The following KYAT3 variants were observed in gnomAD, a reference collection of about 807,000 sequenced individuals.
The protein encoded by KYAT3 is kynurenine--oxoglutarate transaminase 3.
A neutral mutation model predicts 59.0 loss-of-function variants in KYAT3; 50 were observed. The observed-to-expected ratio is 0.85, with a 90% CI of 0.68 to 1.07. The LOEUF (loss-of-function observed/expected upper bound fraction) is 1.07, where lower values mean the gene tolerates loss of function less well. KYAT3 is among the 50% of genes least tolerant of loss of function. The probability of loss-of-function intolerance (pLI) is 0.00; values close to 1 mark genes in which losing one functional copy is unlikely to be tolerated. For missense variants in KYAT3, 497 were observed against 533.3 expected (o/e 0.93, Z 0.67); for synonymous variants, 148 against 177.0 (o/e 0.84, Z 1.30).
the KYAT3 span, among the ~76,000 whole-genome samples, chr1:88,927,412 T>A: frequency 3.9e-5 from 6 of 152,172 alleles, no homozygotes; most frequent in African/African-American, 1.4e-4. Flanking sequence ...ACCTCTTTTG[T>A]AGAAAAGAAG....
chr1:88,924,868 T>C, the KYAT3 span, among the ~76,000 whole-genome samples: 1 of 152,186 alleles, frequency 6.6e-6, no homozygotes, highest in African/African-American at 2.4e-5. Flanking sequence ...CCATAACCCA[T>C]GGCTTCTAAT....
chr1:88,988,058 G>A (rs1377906412), intron 2 of KYAT3, among the ~76,000 whole-genome samples, 194 bp downstream of exon 2: 2 of 152,098 alleles, frequency 1.3e-5, no homozygotes, highest in African/African-American at 4.8e-5. Context: ...ACCAGCACAT[G>A]GCCTGATCCA....
In KYAT3 at chr1:88,982,722, C is replaced by T. The variant is rs746613343; in HGVS notation, c.99+5530G>A. 22 of 1,613,766 alleles carry T rather than the reference C, an allele frequency of 1.4e-5. No individual in the cohort carries two copies. In the East Asian group the frequency reaches 2.5e-4, roughly 18 times the overall value. ...CCAGGGCCAGCACCTCTTGGTGCTC[C>T]GCGGCTTGAACTGCTGTAGGAATCA... On this transcript the variant is annotated intron_variant, in intron 2 of 13. Coordinates refer to ENST00000260508, the MANE Select transcript of KYAT3 (RefSeq NM_001008661.3).
Position 88,949,261 on chromosome 1 carries a change from G to A in KYAT3, c.971C>T (p.Ala324Val), listed in dbSNP as rs1675578616. The change falls in exon 11 of 14, where the codon GCT (alanine) becomes GTT (valine). Residue 324 changes from alanine (A) to valine (V), a missense_variant. By Grantham distance (64) the Ala-to-Val change is moderately conservative (BLOSUM62 0). Transcript: ENST00000260508. The part of the protein sequence containing the change: ...ATPLQEALAQ[A>V]FWIDIKRMDD... ...CATGCGCTTGATGTCAATCCAGAAA[G>A]CTTGAGCCAAGGCTTCCTGTTTGTT... The A allele has an allele frequency of 1.3e-6, 2 of 1,555,334 alleles. No individual in the cohort carries two copies. The highest frequency in any genetic ancestry group is 1.2e-5 in the South Asian group (1 of 81,166).
At chr1:88,934,378 TG>T (rs937926841), downstream of KYAT3, among the ~76,000 whole-genome samples, 7 of 152,126 alleles carry the variant, frequency 4.6e-5, no homozygotes, top group African/African-American at 1.7e-4. Context: ...TGCTTGAACC[TG>T]GGGGGCAGAG....
At chr1:88,931,264 A>G (rs538866568), downstream of KYAT3, among the ~76,000 whole-genome samples, 47 of 152,320 alleles carry the variant, frequency 3.1e-4, no homozygotes, top group African/African-American at 9.9e-4. Flanking sequence ...CCTGCACTGC[A>G]GGCCATATAT....
At chr1:88,978,874 C>T (rs1366511449) in intron 2 of KYAT3, among the ~76,000 whole-genome samples, 1 of 151,346 alleles carries the variant, frequency 6.6e-6, no homozygotes, top group Non-Finnish European at 1.5e-5. Context: ...ATGCTGGACT[C>T]GAACTCCTGG....
chr1:88,935,971 G>T lies in KYAT3; in HGVS notation c.*212C>A. 2.1e-6 allele frequency: 1 copy of T among 473,374 alleles called. No homozygotes were observed. Among genetic ancestry groups the T allele is most frequent in the Non-Finnish European group, 3.8e-6 (1 of 263,550 alleles). 29.3% of individuals were successfully genotyped at this position (473,374 alleles called of 1,614,324 possible). A position where few individuals can be genotyped will look rare whatever the true frequency, so the allele number is the denominator to read the frequency against. On this transcript the variant is annotated 3_prime_UTR_variant, in exon 14 of 14. Transcript: ENST00000260508. ...TTATGCTGACTCTTATAAAATGATT[G>T]TGGAAGGTGTGTTAATACATTTCAA...
At chr1:88,947,291 C>A (rs904818216) in intron 11 of KYAT3, among the ~76,000 whole-genome samples, 9 of 152,270 alleles carry the variant, frequency 5.9e-5, no homozygotes, top group Middle Eastern at 3.4e-3. Context: ...CTTGGGCCCC[C>A]AAAAAGGCTT....
At chr1:88,975,125 C>A (rs1676725300) in intron 2 of KYAT3, among the ~76,000 whole-genome samples, 1 of 152,168 alleles carries the variant, frequency 6.6e-6, no homozygotes, top group Non-Finnish European at 1.5e-5. Context: ...GTCAGCGAGA[C>A]CACGAACCCA....
At chr1:88,976,363 A>T (rs1676790707) in intron 2 of KYAT3, among the ~76,000 whole-genome samples, 2 of 152,082 alleles carry the variant, frequency 1.3e-5, no homozygotes, top group Non-Finnish European at 2.9e-5. Flanking sequence ...TCTCAAAAAA[A>T]AAAAACAGTT....
chr1:88,962,176 GTCAATCATTTATTC>G (rs1676174630), intron 5 of KYAT3, 31 bp from the exon 6 acceptor site: 1 of 1,438,108 alleles, frequency 7.0e-7, no homozygotes, highest in African/African-American at 1.4e-5. Context: ...ATCACAACCT[GTCAATCATTTATTC>G]ATGTTAATAA....
chr1:88,966,100 T>C (rs921320125), intron 4 of KYAT3, among the ~76,000 whole-genome samples: 2 of 152,208 alleles, frequency 1.3e-5, no homozygotes, highest in Admixed American at 1.3e-4. Context: ...CCTGAGGTGA[T>C]GAATGTCCAC....
chr1:88,982,835 C>T lies in KYAT3; in HGVS notation c.99+5417G>A, dbSNP rs549912567. 34 of 1,613,976 alleles carry T rather than the reference C, an allele frequency of 2.1e-5. No homozygotes were observed. The highest frequency in any genetic ancestry group is 1.7e-4 in the Middle Eastern group (1 of 6,056). On this transcript the variant is annotated intron_variant, in intron 2 of 13. Coordinates refer to ENST00000260508, the MANE Select transcript of KYAT3 (RefSeq NM_001008661.3). ...GTCACAACTTGAGTAGAGATCACTT[C>T]GGCTGCTTGAGTAACTGTCTCGACT...
chr1:88,962,293 A>T lies in KYAT3; in HGVS notation c.454-148T>A, dbSNP rs889173097. Reference sequence around the variant, plus strand: ...TTTGCCCTTGTGGAGCTAACATCTGAGGGGAAGAGACCTCGGAGACAAACT... The same window carrying T: ...TTTGCCCTTGTGGAGCTAACATCTGTGGGGAAGAGACCTCGGAGACAAACT... On this transcript the variant is annotated intron_variant, in intron 5 of 13. Coordinates refer to ENST00000260508, the MANE Select transcript of KYAT3 (RefSeq NM_001008661.3). The T allele has an allele frequency of 8.0e-6, 5 of 627,730 alleles. No individual in the cohort carries two copies. In the African/African-American group the frequency reaches 9.2e-5, roughly 12 times the overall value. 38.9% of individuals were successfully genotyped at this position (627,730 alleles called of 1,614,324 possible).
chr1:88,953,199 A>G (rs1403476694), intron 9 of KYAT3, 47 bp from the exon 10 acceptor site: 2 of 1,279,446 alleles, frequency 1.6e-6, no homozygotes, highest in South Asian at 2.4e-5. Flanking sequence ...AATTGTATAT[A>G]ACAAATCTGA....
chr1:88,978,646 T>C (rs1676914740), intron 2 of KYAT3, among the ~76,000 whole-genome samples: 1 of 151,890 alleles, frequency 6.6e-6, no homozygotes, highest in South Asian at 2.1e-4. Context: ...TACAGGTATG[T>C]GGCACCACAC....
chr1:88,952,764 G>A (rs1282393247), intron 10 of KYAT3, among the ~76,000 whole-genome samples: 2 of 152,140 alleles, frequency 1.3e-5, no homozygotes, highest in South Asian at 2.1e-4. Flanking sequence ...AAGATGGATT[G>A]CTTTCATGGG....
intron 2 of KYAT3, among the ~76,000 whole-genome samples, chr1:88,975,242 G>C (rs902820477): frequency 6.6e-6 from 1 of 152,052 alleles, no homozygotes; most frequent in Admixed American, 6.5e-5. Flanking sequence ...TTCTTGAAGC[G>C]AGCGAGACCA....
Sources: allele counts gnomAD v4.1 joint callset (sites outside exome capture counted in the v4.1 genomes callset), GRCh38; gene constraint gnomAD v4.1.1; transcripts MANE v1.5; gene names NCBI Gene and HGNC (gene_info 2026-07-23, HGNC 2026-07-21).